GRIA2: variants seen among roughly 807,000 people sequenced by gnomAD.
The protein encoded by GRIA2 is glutamate ionotropic receptor AMPA type subunit 2.
In GRIA2, 14 loss-of-function variants were observed where a neutral mutation model predicts 97.3. The ratio of observed to expected loss-of-function variants is 0.14; its 90% CI spans 0.10 to 0.23. The LOEUF is 0.23. Among genes scored for constraint, GRIA2 ranks in the 10% least tolerant of loss-of-function variants. GRIA2 has a pLI of 1.00. For missense variants in GRIA2, 558 were observed against 1,069.8 expected, an observed-to-expected ratio of 0.52 and a Z score of 6.67; for synonymous variants, 412 against 387.8, an observed-to-expected ratio of 1.06 and a Z score of -0.73.
At chr4:157,356,199 T>TTA (rs946256133) in intron 12 of GRIA2, among the ~76,000 whole-genome samples, 1 of 132,308 alleles carries the variant, frequency 7.6e-6, no homozygotes, top group South Asian at 2.3e-4. Flanking sequence ...TTATATATAT[T>TTA]TATATATATA....
At chr4:157,291,647 A>T (rs1233264233) in intron 2 of GRIA2, among the ~76,000 whole-genome samples, 2 of 152,046 alleles carry the variant, frequency 1.3e-5, no homozygotes, top group African/African-American at 4.8e-5. Context: ...TATTAATTGC[A>T]TAGATCCCAT....
chr4:157,314,070 T>C (rs1734206006), intron 4 of GRIA2, among the ~76,000 whole-genome samples: 1 of 152,130 alleles, frequency 6.6e-6, no homozygotes, highest in African/African-American at 2.4e-5. Flanking sequence ...GGGTTGGTCT[T>C]GCTGCCTCAG....
At chr4:157,362,164 A>T (rs1038250141) in intron 14 of GRIA2, among the ~76,000 whole-genome samples, 4 of 152,070 alleles carry the variant, frequency 2.6e-5, no homozygotes, top group Non-Finnish European at 5.9e-5. Context: ...AATTTTGGAG[A>T]CCAAGAGATC....
chr4:157,303,361 A>G (rs534144819), intron 2 of GRIA2, among the ~76,000 whole-genome samples, 191 bp from the exon 3 acceptor site: 8 of 152,296 alleles, frequency 5.3e-5, no homozygotes, highest in African/African-American at 1.7e-4. Flanking sequence ...ATGCTTTAGA[A>G]TCTTTTAGAT....
chr4:157,261,643 A>T (rs1731540934), intron 2 of GRIA2, among the ~76,000 whole-genome samples: 1 of 152,114 alleles, frequency 6.6e-6, no homozygotes, highest in Non-Finnish European at 1.5e-5. Flanking sequence ...TGGAAATTAG[A>T]TTAGCTAAAT....
At chr4:157,340,293 C>T (rs189568246) in intron 11 of GRIA2, among the ~76,000 whole-genome samples, 5 of 151,916 alleles carry the variant, frequency 3.3e-5, no homozygotes, top group African/African-American at 7.2e-5. Flanking sequence ...AACAGAGAAA[C>T]GGTTAGTTTT....
At chr4:157,320,120 G>T (rs1486234400) in intron 5 of GRIA2, among the ~76,000 whole-genome samples, 1 of 151,948 alleles carries the variant, frequency 6.6e-6, no homozygotes, top group East Asian at 1.9e-4. Context: ...GAAAAAATGG[G>T]GATAAGCATA....
intron 12 of GRIA2, among the ~76,000 whole-genome samples, chr4:157,353,437 A>G (rs1386360791): frequency 2.0e-5 from 3 of 151,942 alleles, no homozygotes; most frequent in African/African-American, 7.2e-5. Context: ...TTGGGAGGCC[A>G]AGGTGGGCGG....
Position 157,289,631 on chromosome 4 carries a change from G to A in GRIA2, c.230-13921G>A, listed in dbSNP as rs1733004845. ...ATTGTTTTCTTGTGACTTGTGACAG[G>A]AAAAGGTATAGCAAAGATTAAATTT... On this transcript the variant is annotated intron_variant, in intron 2 of 15. Coordinates refer to ENST00000264426, the MANE Select transcript of GRIA2 (RefSeq NM_001083619.3). Among the ~76,000 whole-genome samples the A allele has an allele frequency of 2.6e-5, 4 of 151,732 alleles. No homozygotes were observed. In the South Asian group the frequency reaches 8.3e-4, roughly 31 times the overall value.
intron 2 of GRIA2, among the ~76,000 whole-genome samples, chr4:157,231,378 T>C (rs1417672888): frequency 6.6e-6 from 1 of 152,116 alleles, no homozygotes; most frequent in East Asian, 1.9e-4. Context: ...GTTATCACCA[T>C]GTTGATCAGG....
chr4:157,288,419 G>A (rs907758208), intron 2 of GRIA2, among the ~76,000 whole-genome samples: 4 of 151,220 alleles, frequency 2.6e-5, no homozygotes, highest in East Asian at 2.0e-4. Flanking sequence ...CGGGTTACTC[G>A]ATCTCCATTG....
intron 2 of GRIA2, among the ~76,000 whole-genome samples, chr4:157,242,767 T>C (rs1484439919): frequency 6.6e-6 from 1 of 152,140 alleles, no homozygotes; most frequent in African/African-American, 2.4e-5. Context: ...ATTGTTTATG[T>C]TTACAAACAT....
At chr4:157,351,097 G>A (rs1476717953) in intron 12 of GRIA2, among the ~76,000 whole-genome samples, 3 of 151,686 alleles carry the variant, frequency 2.0e-5, no homozygotes, top group Admixed American at 2.0e-4. Flanking sequence ...TATAATCAGT[G>A]GTATAACAAC....
At chr4:157,289,570 T>G (rs1481239747) in intron 2 of GRIA2, among the ~76,000 whole-genome samples, 3 of 151,878 alleles carry the variant, frequency 2.0e-5, no homozygotes, top group Non-Finnish European at 2.9e-5. Context: ...GAAAGGCATA[T>G]ATCAATACTT....
intron 14 of GRIA2, chr4:157,362,520 C>A (rs996982814): frequency 7.3e-6 from 4 of 550,730 alleles, no homozygotes; most frequent in African/African-American, 5.6e-5. Flanking sequence ...TTTATCACTG[C>A]AACTGACATA....
At position 157,231,253 on chromosome 4, in the gene GRIA2, G is replaced by A. The variant is rs542441141; in HGVS notation, c.229+9446G>A. ...GGGGTTTCACCGTGTTGCCTAGGCC[G>A]GTCACGAACTCCTGATCTCAGGCAA... On this transcript the variant is annotated intron_variant, in intron 2 of 15. Transcript: ENST00000264426. Among the ~76,000 whole-genome samples, 7 of 152,192 alleles carry A rather than the reference G, an allele frequency of 4.6e-5. No homozygotes were observed. The South Asian group carries it at 1.2e-3, about 27-fold the overall frequency.
chr4:157,285,874 G>A (rs767932110), intron 2 of GRIA2, among the ~76,000 whole-genome samples: 3 of 151,402 alleles, frequency 2.0e-5, no homozygotes, highest in Non-Finnish European at 4.4e-5. Flanking sequence ...TTAATTCATA[G>A]GTGAGCATGT....
intron 12 of GRIA2, among the ~76,000 whole-genome samples, chr4:157,356,200 T>A (rs1216321731): frequency 7.6e-6 from 1 of 132,300 alleles, no homozygotes; most frequent in Non-Finnish European, 1.6e-5. Context: ...TATATATATT[T>A]ATATATATAT....
chr4:157,222,245 G>C (rs530256282), intron 2 of GRIA2, among the ~76,000 whole-genome samples: 209 of 152,268 alleles, frequency 1.4e-3, no homozygotes, highest in African/African-American at 4.8e-3. Context: ...AGGGACTGCC[G>C]GAGCCCAGTG....
Sources: allele counts gnomAD v4.1 joint callset (sites outside exome capture counted in the v4.1 genomes callset), GRCh38; gene constraint gnomAD v4.1.1; transcripts MANE v1.5; gene names NCBI Gene and HGNC (gene_info 2026-07-23, HGNC 2026-07-21).